RPGRIP1L: variants seen among roughly 807,000 people sequenced by gnomAD.
RPGRIP1L encodes protein fantom.
RPGRIP1L carries 131 observed loss-of-function variants against 160.4 expected under a neutral mutation model. The observed-to-expected ratio is 0.82, with a 90% CI of 0.71 to 0.94. The LOEUF (loss-of-function observed/expected upper bound fraction) is 0.94. Among genes scored for constraint, RPGRIP1L ranks in the 40% least tolerant of loss-of-function variants. RPGRIP1L has a pLI of 0.00. For synonymous variants in RPGRIP1L, 510 were observed against 515.8 expected (o/e 0.99, Z 0.15); for missense variants, 1,522 against 1,535.8 (o/e 0.99, Z 0.15).
chr16:53,602,769 C>T (rs1201743232), intron 26 of RPGRIP1L, among the ~76,000 whole-genome samples: 3 of 126,232 alleles, frequency 2.4e-5, no homozygotes, highest in East Asian at 4.8e-4. Context: ...AGCGAGACTC[C>T]TCAAAGAAAA....
At position 53,645,910 on chromosome 16, in the gene RPGRIP1L, T is replaced by G. The variant is rs752724338; in HGVS notation, c.2398A>C (p.Asn800His). ...NELHITIRCC[N>H]HLQSRASHLQ... ...TGGCTTGCTCGGGACTGCAGGTGGT[T>G]GCAACATCTTATTGTAATGTGAAGT... The change falls in exon 17 of 27, where the codon AAC (asparagine) becomes CAC (histidine). Residue 800 changes from asparagine (N) to histidine (H), a missense_variant. Transcript: ENST00000647211. 2 of 1,614,184 alleles carry G rather than the reference T, an allele frequency of 1.2e-6. No homozygotes were observed. Among genetic ancestry groups the G allele is most frequent in the Middle Eastern group, 1.7e-4 (1 of 6,060 alleles).
chr16:53,629,217 T>C (rs1394231823), intron 22 of RPGRIP1L, among the ~76,000 whole-genome samples: 2 of 152,198 alleles, frequency 1.3e-5, no homozygotes, highest in African/African-American at 2.4e-5. Context: ...ACTTAATTTA[T>C]CTAGGTGGAG....
chr16:53,642,192 T>A (rs753109654), intron 17 of RPGRIP1L, among the ~76,000 whole-genome samples: 22 of 152,124 alleles, frequency 1.4e-4, no homozygotes, highest in Middle Eastern at 3.4e-3. Context: ...TTTTATTTTT[T>A]TTTTTAAATA....
At chr16:53,698,376 G>T (rs1971028495) in intron 2 of RPGRIP1L, among the ~76,000 whole-genome samples, 1 of 134,304 alleles carries the variant, frequency 7.4e-6, no homozygotes, top group Non-Finnish European at 1.6e-5. Flanking sequence ...TGGGGGGTCA[G>T]CCCCCCGCCC....
chr16:53,601,364 C>G lies in RPGRIP1L; in HGVS notation c.*712G>C, dbSNP rs1963371287. The G allele has an allele frequency of 6.6e-6, 1 of 152,184 alleles. No homozygotes were observed. The highest frequency in any genetic ancestry group is 2.1e-4 in the South Asian group (1 of 4,822). The allele number at this position is 152,184 out of a possible 1,614,324, so 9.4% of individuals were successfully genotyped here. The stretch of plus-strand genomic sequence containing the variant: ...ACTATCTCCTTTTTATATATACATC[C>G]CTGGGTCACCATTACAAATGTATGA... On this transcript the variant is annotated 3_prime_UTR_variant, in exon 27 of 27. Coordinates refer to ENST00000647211, the MANE Select transcript of RPGRIP1L (RefSeq NM_015272.5).
chr16:53,648,649 C>CAG (rs1966746782), intron 16 of RPGRIP1L, among the ~76,000 whole-genome samples: 4 of 152,044 alleles, frequency 2.6e-5, no homozygotes, highest in African/African-American at 9.6e-5. Context: ...CACACACACA[C>CAG]ACACACACAA....
chr16:53,697,899 T>C, intron 2 of RPGRIP1L, among the ~76,000 whole-genome samples: 1 of 127,430 alleles, frequency 7.8e-6, no homozygotes, highest in African/African-American at 3.1e-5. Context: ...CCGGCCGCCA[T>C]CCCATCTAGG....
At chr16:53,698,951 G>T (rs1971134248) in intron 2 of RPGRIP1L, among the ~76,000 whole-genome samples, 2 of 152,174 alleles carry the variant, frequency 1.3e-5, no homozygotes, top group Admixed American at 1.3e-4. Flanking sequence ...TAGAAAGCGG[G>T]GAAAGGTGGG....
chr16:53,650,241 G>A (rs1966841209), intron 15 of RPGRIP1L, among the ~76,000 whole-genome samples: 1 of 152,084 alleles, frequency 6.6e-6, no homozygotes, highest in Non-Finnish European at 1.5e-5. Flanking sequence ...ACCCCTTCTT[G>A]CTCGCTCCCA....
chr16:53,650,006 C>T (rs544950729), intron 15 of RPGRIP1L, among the ~76,000 whole-genome samples: 135 of 152,286 alleles, frequency 8.9e-4, no homozygotes, highest in African/African-American at 3.2e-3. Flanking sequence ...CTACTCTCTC[C>T]TACTTTATCA....
intron 2 of RPGRIP1L, among the ~76,000 whole-genome samples, chr16:53,698,948 C>G (rs371133025): frequency 6.6e-6 from 1 of 151,616 alleles, no homozygotes; most frequent in Non-Finnish European, 1.5e-5. Context: ...GAATAGAAAG[C>G]GGGGAAAGGT....
At chr16:53,613,184 T>TTGAC (rs1964162593) in intron 24 of RPGRIP1L, among the ~76,000 whole-genome samples, 1 of 152,264 alleles carries the variant, frequency 6.6e-6, no homozygotes, top group Non-Finnish European at 1.5e-5. Context: ...GTTTCCACCT[T>TTGAC]TGACTATTAT....
chr16:53,620,828 A>AT (rs1470786830), intron 23 of RPGRIP1L, among the ~76,000 whole-genome samples: 4 of 152,020 alleles, frequency 2.6e-5, no homozygotes, highest in East Asian at 3.9e-4. Context: ...TTTAAATGAT[A>AT]TTTTTTTTCC....
chr16:53,697,961 G>A (rs998141056), intron 2 of RPGRIP1L, among the ~76,000 whole-genome samples: 8 of 150,804 alleles, frequency 5.3e-5, no homozygotes, highest in East Asian at 2.0e-4. Context: ...AGTGAGGAGC[G>A]TCTCTGCCCG....
chr16:53,618,107 G>A (rs1449308262), intron 24 of RPGRIP1L, among the ~76,000 whole-genome samples: 1 of 152,186 alleles, frequency 6.6e-6, no homozygotes, highest in African/African-American at 2.4e-5. Flanking sequence ...TTTATAGGGT[G>A]TCTATTGGGT....
At chr16:53,638,541 AATTTACTTAGTATATTTCAATAAAATG>A (rs1965990109) in intron 19 of RPGRIP1L, 130 bp from the exon 20 acceptor site, 1 of 537,892 alleles carries the variant, frequency 1.9e-6, no homozygotes, top group African/African-American at 1.9e-5. Context: ...TATGACACTG[AATTTACTTAGTATATTTCAATAAAATG>A]GTATTTATAT....
At chr16:53,616,500 T>C (rs1964384935) in intron 24 of RPGRIP1L, among the ~76,000 whole-genome samples, 1 of 152,166 alleles carries the variant, frequency 6.6e-6, no homozygotes, top group East Asian at 1.9e-4. Flanking sequence ...TAAAACAACA[T>C]TAGTTTGCTT....
At chr16:53,652,022 T>C (rs917710345) in intron 15 of RPGRIP1L, among the ~76,000 whole-genome samples, 11 of 152,066 alleles carry the variant, frequency 7.2e-5, no homozygotes, top group African/African-American at 2.7e-4. Flanking sequence ...ACAATAAACA[T>C]CTGAAGTTAC....
In RPGRIP1L at chr16:53,601,799, T is replaced by G. The variant is rs1963388482; in HGVS notation, c.*277A>C. ...GAAAATGTTGAAAATGCAAATAGAC[T>G]TTCTCACGCTATCACGTAGGTATAA... On this transcript the variant is annotated 3_prime_UTR_variant, in exon 27 of 27. Coordinates refer to ENST00000647211, the MANE Select transcript of RPGRIP1L (RefSeq NM_015272.5). 6.5e-6 allele frequency: 2 copies of G among 307,472 alleles called. No individual in the cohort carries two copies. The highest frequency in any genetic ancestry group is 1.3e-4 in the South Asian group (2 of 15,910). The allele number at this position is 307,472 out of a possible 1,614,324, so 19.0% of individuals were successfully genotyped here. A position where few individuals can be genotyped will look rare whatever the true frequency, so the allele number is the denominator to read the frequency against.
Sources: gnomAD v4.1 joint callset for allele counts (sites outside exome capture counted in the v4.1 genomes callset) on GRCh38, gnomAD v4.1.1 for gene constraint, MANE v1.5 for transcripts, NCBI Gene and HGNC (gene_info 2026-07-23, HGNC 2026-07-21) for gene names.